KIAA1549L: variants seen among roughly 807,000 people sequenced by gnomAD.
KIAA1549L encodes the protein KIAA1549 like, also known as UPF0606 protein KIAA1549L.
KIAA1549L carries 88 observed loss-of-function variants against 160.7 expected under a neutral mutation model. That is an observed-to-expected ratio of 0.55 (90% CI 0.46 to 0.65). KIAA1549L has a LOEUF of 0.65. KIAA1549L is among the 30% of genes least tolerant of loss of function. The probability of loss-of-function intolerance (pLI) is 0.00; values close to 1 mark genes in which losing one functional copy is unlikely to be tolerated. For synonymous variants in KIAA1549L, 950 were observed against 976.7 expected, an observed-to-expected ratio of 0.97 and a Z score of 0.51; for missense variants, 2,258 against 2,437.5, an observed-to-expected ratio of 0.93 and a Z score of 1.55.
At chr11:33,561,467 C>T (rs374746638) in intron 7 of KIAA1549L, among the ~76,000 whole-genome samples, 7 of 152,160 alleles carry the variant, frequency 4.6e-5, no homozygotes, top group African/African-American at 1.7e-4. Context: ...TACCTGTTTT[C>T]CTTAATGAAA....
intron 1 of KIAA1549L, among the ~76,000 whole-genome samples, chr11:33,510,201 CT>C (rs1305611753): frequency 6.6e-6 from 1 of 152,068 alleles, no homozygotes; most frequent in Non-Finnish European, 1.5e-5. Context: ...CTTGATTTCT[CT>C]TTCTTTCGTG....
rs1047685003 is a variant in KIAA1549L, at chr11:33,468,700, C to A, written c.239-73102C>A. ...AACTTAGTGAATGTTGATTAGCATTCTCAGCACTGCTTTGAAAATACATAT... is the reference window on the plus strand; with the variant it reads ...AACTTAGTGAATGTTGATTAGCATTATCAGCACTGCTTTGAAAATACATAT... On this transcript the variant is annotated intron_variant, in intron 1 of 20. Transcript: ENST00000658780. 2.6e-5 allele frequency among the ~76,000 whole-genome samples: 4 copies of A among 152,178 alleles called. No individual in the cohort carries two copies. The South Asian group carries it at 6.2e-4, about 24-fold the overall frequency.
intron 1 of KIAA1549L, among the ~76,000 whole-genome samples, chr11:33,448,727 G>A (rs912292787): frequency 6.6e-6 from 1 of 152,102 alleles, no homozygotes; most frequent in Non-Finnish European, 1.5e-5. Flanking sequence ...TGAACTTCAG[G>A]AAATGGCTAC....
chr11:33,423,193 C>G (rs1002924504), intron 1 of KIAA1549L, among the ~76,000 whole-genome samples: 12 of 152,118 alleles, frequency 7.9e-5, no homozygotes, highest in South Asian at 2.1e-4. Context: ...CTTGTTGTAA[C>G]ATGTTTCAAT....
chr11:33,559,158 A>G (rs1033517221), intron 6 of KIAA1549L, among the ~76,000 whole-genome samples: 1 of 151,978 alleles, frequency 6.6e-6, no homozygotes, highest in Admixed American at 6.6e-5. Context: ...TTTTCTAATT[A>G]GGTTCTGTCG....
intron 4 of KIAA1549L, 56 bp from the exon 5 acceptor site, chr11:33,550,984 A>G (rs1854440074): frequency 1.3e-5 from 18 of 1,416,168 alleles, no homozygotes; most frequent in Non-Finnish European, 1.7e-5. Context: ...TACCAGGAAG[A>G]ACTTAAAGTG....
intron 12 of KIAA1549L, 105 bp from the exon 13 acceptor site, chr11:33,598,715 G>A: frequency 7.5e-7 from 1 of 1,328,026 alleles, no homozygotes. Context: ...CCATTAAACT[G>A]GAATGAAAGG....
rs1383177270 is a variant in KIAA1549L at position 33,542,920 on chromosome 11, G to T, written c.1357G>T (p.Ala453Ser). The T allele has an allele frequency of 6.2e-6, 10 of 1,614,072 alleles. No individual in the cohort carries two copies. Among genetic ancestry groups the T allele is most frequent in the Non-Finnish European group, 8.5e-6 (10 of 1,179,898 alleles). The part of the protein sequence containing the change: ...DSANPLHLSA[A>S]PENSRGPALS... ...TGCTAACCCGCTGCATTTGTCAGCA[G>T]CTCCAGAGAATTCCAGAGGGCCCGC... The change falls in exon 2 of 21, where the codon GCT becomes TCT. Residue 453 changes from alanine (A) to serine (S), a missense_variant. Coordinates refer to ENST00000658780, the MANE Select transcript of KIAA1549L (RefSeq NM_012194.3).
intron 1 of KIAA1549L, among the ~76,000 whole-genome samples, chr11:33,498,725 A>G (rs1180340199): frequency 6.6e-6 from 1 of 152,216 alleles, no homozygotes; most frequent in Non-Finnish European, 1.5e-5. Context: ...GGTGAAGGAG[A>G]CTGCACATCT....
At chr11:33,406,082 C>T (rs893691909) in intron 1 of KIAA1549L, among the ~76,000 whole-genome samples, 1 of 152,158 alleles carries the variant, frequency 6.6e-6, no homozygotes, top group African/African-American at 2.4e-5. Context: ...ATTACTACAA[C>T]AGTCAAAGAA....
At chr11:33,388,466 TGCTATTCTCTA>T (rs1467828905) in intron 1 of KIAA1549L, among the ~76,000 whole-genome samples, 3 of 152,200 alleles carry the variant, frequency 2.0e-5, no homozygotes, top group Non-Finnish European at 4.4e-5. Context: ...CATATCACCT[TGCTATTCTCTA>T]GAGTCATGCT....
rs375981057 is a variant in KIAA1549L, at chr11:33,658,734, C to A, written c.5859-16C>A. On this transcript the variant is annotated splice_polypyrimidine_tract_variant and intron_variant, in intron 18 of 20. Transcript: ENST00000658780. ...GGTCTGGGACAGTGCTAACGCAGTC[C>A]CTCTGCCCCATCTAGATCCACCTCA... The A allele has an allele frequency of 1.3e-6, 2 of 1,567,360 alleles. No homozygotes were observed.
rs72519772 is a variant in KIAA1549L, at chr11:33,660,564, CA to C, written c.6008-287del. On this transcript the variant is annotated intron_variant, in intron 19 of 20. Coordinates refer to ENST00000658780, the MANE Select transcript of KIAA1549L (RefSeq NM_012194.3). ...TGGGCGACAGAGCGAGACTCCGTCT[CA>C]AAAAAAAAAAAGAAAGAAGACCAGG... Among the ~76,000 whole-genome samples, 176 of 103,380 alleles carry C rather than the reference CA, an allele frequency of 1.7e-3. 1 individual carries two copies. Among genetic ancestry groups the C allele is most frequent in the African/African-American group, 3.5e-3 (96 of 27,472 alleles). 67.8% of individuals were successfully genotyped at this position (103,380 alleles called of 152,430 possible).
intron 4 of KIAA1549L, among the ~76,000 whole-genome samples, chr11:33,550,444 G>A (rs1387221766): frequency 1.3e-5 from 2 of 152,052 alleles, no homozygotes; most frequent in African/African-American, 4.8e-5. Context: ...AGTTGAGACA[G>A]AAAGAGCTCA....
intron 1 of KIAA1549L, among the ~76,000 whole-genome samples, chr11:33,423,261 C>CAG (rs1378453108): frequency 3.3e-5 from 5 of 152,312 alleles, no homozygotes; most frequent in Non-Finnish European, 7.4e-5. Context: ...AAGCCCCTAT[C>CAG]AGAGCCACAT....
At chr11:33,496,592 A>G (rs1361156135) in intron 1 of KIAA1549L, among the ~76,000 whole-genome samples, 1 of 152,100 alleles carries the variant, frequency 6.6e-6, no homozygotes, top group Non-Finnish European at 1.5e-5. Flanking sequence ...ATGCTCAATC[A>G]TGGTAAACCT....
intron 10 of KIAA1549L, among the ~76,000 whole-genome samples, chr11:33,576,395 T>C (rs935598510): frequency 1.3e-5 from 2 of 152,216 alleles, no homozygotes; most frequent in African/African-American, 2.4e-5. Context: ...AAAGTGACAA[T>C]TTTAACCAAG....
At chr11:33,535,412 C>T (rs1853871559) in intron 1 of KIAA1549L, among the ~76,000 whole-genome samples, 1 of 152,148 alleles carries the variant, frequency 6.6e-6, no homozygotes, top group South Asian at 2.1e-4. Flanking sequence ...GTGGCTCATG[C>T]TGGTAATCTC....
At position 33,551,234 on chromosome 11, in the gene KIAA1549L, T is replaced by A; in HGVS notation, c.3696T>A (p.Pro1232=). 4 of 1,613,366 alleles carry A rather than the reference T, an allele frequency of 2.5e-6. No individual in the cohort carries two copies. The highest frequency in any genetic ancestry group is 3.4e-6 in the Non-Finnish European group (4 of 1,179,832). The stretch of plus-strand genomic sequence containing the variant: ...TTGCCTCCCCATGGAATCCCCAGCC[T>A]GCAGGCTACTTCCAGCTAAAAACAG... The part of the protein sequence containing the change: ...AVLASPWNPQ[P]AGYFQLKTVL... Residue 1232 remains proline (P), a synonymous_variant, in exon 5 of 21, where the codon CCT becomes CCA. Coordinates refer to ENST00000658780, the MANE Select transcript of KIAA1549L (RefSeq NM_012194.3).
Sources: gnomAD v4.1 joint callset for allele counts (sites outside exome capture counted in the v4.1 genomes callset) on GRCh38, gnomAD v4.1.1 for gene constraint, MANE v1.5 for transcripts, NCBI Gene and HGNC (gene_info 2026-07-23, HGNC 2026-07-21) for gene names.